Variants in PTCHD4 observed in about 807,000 individuals in gnomAD.
PTCHD4 encodes the protein patched domain-containing protein 4.
In PTCHD4, 33 loss-of-function variants were observed where a neutral mutation model predicts 58.1. That is an observed-to-expected ratio of 0.57 (90% CI 0.43 to 0.76). The LOEUF is 0.76. PTCHD4 is among the 30% of genes least tolerant of loss of function. The probability of loss-of-function intolerance (pLI) is 0.00; values close to 1 mark genes in which losing one functional copy is unlikely to be tolerated. For missense variants in PTCHD4, 1,058 were observed against 1,027.1 expected (o/e 1.03, Z -0.41); for synonymous variants, 478 against 409.6 (o/e 1.17, Z -2.02).
Position 47,906,168 on chromosome 6 carries a change from T to A in PTCHD4, c.899-26232A>T, listed in dbSNP as rs549041127. Among the ~76,000 whole-genome samples, 13 of 152,336 alleles carry A rather than the reference T, an allele frequency of 8.5e-5. No homozygotes were observed. The East Asian group carries it at 2.5e-3, about 29-fold the overall frequency. On this transcript the variant is annotated intron_variant, in intron 4 of 4. Coordinates refer to ENST00000339488, the MANE Select transcript of PTCHD4 (RefSeq NM_001384253.1). ...ATTCAGGTTGGATCTCTATGAGAGCTGTGGAGTCCCAGCCATTCCAAGAGT... is the reference window on the plus strand; with the variant it reads ...ATTCAGGTTGGATCTCTATGAGAGCAGTGGAGTCCCAGCCATTCCAAGAGT...
chr6:47,969,017 A>G (rs1405206497), intron 4 of PTCHD4, among the ~76,000 whole-genome samples: 4 of 152,196 alleles, frequency 2.6e-5, no homozygotes, highest in African/African-American at 9.6e-5. Flanking sequence ...ATATTGCATA[A>G]ACTTTATAAT....
intron 3 of PTCHD4, among the ~76,000 whole-genome samples, chr6:48,047,043 G>T (rs1419438863): frequency 2.0e-5 from 3 of 151,754 alleles, no homozygotes; most frequent in Non-Finnish European, 4.4e-5. Flanking sequence ...TGAATATTGG[G>T]TTGCCTGGCC....
At chr6:47,904,578 C>T (rs1373978408) in intron 4 of PTCHD4, among the ~76,000 whole-genome samples, 1 of 152,150 alleles carries the variant, frequency 6.6e-6, no homozygotes, top group African/African-American at 2.4e-5. Flanking sequence ...AGCAGTAAAG[C>T]TATCTCTTAT....
chr6:48,101,981 T>G (rs1005105478), intron 1 of PTCHD4, among the ~76,000 whole-genome samples: 1 of 152,164 alleles, frequency 6.6e-6, no homozygotes. Context: ...AAGAACAGCT[T>G]CCCACCAAAC....
chr6:47,948,654 C>T (rs916696099), intron 4 of PTCHD4, among the ~76,000 whole-genome samples: 3 of 152,278 alleles, frequency 2.0e-5, no homozygotes, highest in East Asian at 3.9e-4. Context: ...TACTATTCTT[C>T]TAACTGGTCT....
At chr6:47,996,320 C>A (rs2114048511) in intron 4 of PTCHD4, among the ~76,000 whole-genome samples, 1 of 152,124 alleles carries the variant, frequency 6.6e-6, no homozygotes, top group African/African-American at 2.4e-5. Flanking sequence ...AATAAAAATT[C>A]AAAAATTAGC....
chr6:48,051,141 A>T (rs946250955), intron 3 of PTCHD4, among the ~76,000 whole-genome samples: 1 of 152,002 alleles, frequency 6.6e-6, no homozygotes, highest in Non-Finnish European at 1.5e-5. Flanking sequence ...CAAATTTTAA[A>T]GATTTAATGA....
chr6:47,941,683 A>G (rs1766231318), intron 4 of PTCHD4, among the ~76,000 whole-genome samples: 1 of 152,198 alleles, frequency 6.6e-6, no homozygotes, highest in South Asian at 2.1e-4. Flanking sequence ...TGAGGAAGTT[A>G]CTTGATTTCA....
chr6:47,992,229 C>G (rs1438918373), intron 4 of PTCHD4, among the ~76,000 whole-genome samples: 1 of 152,064 alleles, frequency 6.6e-6, no homozygotes, highest in African/African-American at 2.4e-5. Context: ...CCACTTTATG[C>G]TGATAAAATA....
At chr6:47,946,193 C>A (rs1386876301) in intron 4 of PTCHD4, among the ~76,000 whole-genome samples, 2 of 152,056 alleles carry the variant, frequency 1.3e-5, no homozygotes, top group African/African-American at 4.8e-5. Context: ...ACTCTCAGTG[C>A]ATGATTCCTA....
intron 3 of PTCHD4, among the ~76,000 whole-genome samples, chr6:48,038,157 T>C (rs1763710205): frequency 1.3e-5 from 2 of 152,008 alleles, no homozygotes; most frequent in South Asian, 4.2e-4. Flanking sequence ...GAATAGAAGA[T>C]GATGAAAACA....
At chr6:47,981,267 C>T (rs1221810241) in intron 4 of PTCHD4, among the ~76,000 whole-genome samples, 1 of 152,120 alleles carries the variant, frequency 6.6e-6, no homozygotes. Flanking sequence ...GCAATTTCCT[C>T]AAGTCTCTCC....
chr6:47,918,522 G>T (rs550681337), intron 4 of PTCHD4, among the ~76,000 whole-genome samples: 19 of 152,264 alleles, frequency 1.2e-4, no homozygotes, highest in Middle Eastern at 3.4e-3. Context: ...GTAATTAAAA[G>T]AAAAGGATGA....
Position 47,861,169 on chromosome 6 carries a change from C to T in PTCHD4, c.*17134G>A, listed in dbSNP as rs959860081. Among the ~76,000 whole-genome samples the T allele has an allele frequency of 6.6e-6, 1 of 151,786 alleles. No homozygotes were observed. Among genetic ancestry groups the T allele is most frequent in the African/African-American group, 2.4e-5 (1 of 41,372 alleles). ...TCTGTAGATGAATTCTTCTTTTTAC[C>T]TAAACTACTTAGTCCTGATTTTTCT... On this transcript the variant is annotated 3_prime_UTR_variant, in exon 5 of 5. Transcript: ENST00000339488.
intron 4 of PTCHD4, among the ~76,000 whole-genome samples, chr6:47,997,728 C>G (rs1238235629): frequency 6.6e-6 from 1 of 152,196 alleles, no homozygotes; most frequent in African/African-American, 2.4e-5. Flanking sequence ...AAGCCAACAA[C>G]TATGATACAC....
At chr6:47,905,658 A>G (rs1043591756) in intron 4 of PTCHD4, among the ~76,000 whole-genome samples, 1 of 152,194 alleles carries the variant, frequency 6.6e-6, no homozygotes, top group African/African-American at 2.4e-5. Context: ...TTGGTGAGGA[A>G]ATGTAGTTAT....
chr6:48,106,016 A>T (rs975408164), intron 1 of PTCHD4, among the ~76,000 whole-genome samples: 7 of 152,234 alleles, frequency 4.6e-5, no homozygotes, highest in African/African-American at 1.7e-4. Context: ...AAATTCTACC[A>T]TAGGTAGAAG....
intron 4 of PTCHD4, among the ~76,000 whole-genome samples, chr6:47,938,292 A>C (rs1272938442): frequency 6.6e-6 from 1 of 152,206 alleles, no homozygotes; most frequent in Non-Finnish European, 1.5e-5. Context: ...ACTGGACATG[A>C]ATTGTCTAGT....
intron 3 of PTCHD4, among the ~76,000 whole-genome samples, chr6:48,023,424 T>A (rs1763135178): frequency 6.6e-6 from 1 of 152,164 alleles, no homozygotes; most frequent in African/African-American, 2.4e-5. Flanking sequence ...ATGAAAGCAG[T>A]CATCACTTGT....
Sources: allele counts gnomAD v4.1 joint callset (sites outside exome capture counted in the v4.1 genomes callset), GRCh38; gene constraint gnomAD v4.1.1; transcripts MANE v1.5; gene names NCBI Gene and HGNC (gene_info 2026-07-23, HGNC 2026-07-21).